Variants in GABRG3 observed in about 807,000 individuals in gnomAD.
GABRG3 encodes the protein gamma-aminobutyric acid type A receptor subunit gamma3, also known as gamma-aminobutyric acid receptor subunit gamma-3.
A neutral mutation model predicts 48.8 loss-of-function variants in GABRG3; 25 were observed. The ratio of observed to expected loss-of-function variants is 0.51; its 90% CI spans 0.37 to 0.72. The LOEUF is 0.72. GABRG3 is among the 30% of genes least tolerant of loss of function. GABRG3 has a pLI of 0.00. For missense variants in GABRG3, 394 were observed against 577.9 expected, an observed-to-expected ratio of 0.68 and a Z score of 3.26; for synonymous variants, 227 against 217.6, an observed-to-expected ratio of 1.04 and a Z score of -0.38.
At chr15:27,527,714 A>G (rs1362652012) in intron 8 of GABRG3, 85 bp downstream of exon 8, 3 of 1,288,678 alleles carry the variant, frequency 2.3e-6, no homozygotes, top group Admixed American at 2.1e-5. Context: ...TTGTATTCCT[A>G]AGGATCGTAC....
At chr15:27,482,059 G>A (rs148553269) in intron 6 of GABRG3, among the ~76,000 whole-genome samples, 1 of 152,230 alleles carries the variant, frequency 6.6e-6, no homozygotes, top group African/African-American at 2.4e-5. Flanking sequence ...ACTAACTCAG[G>A]GGATTTTGAA....
At chr15:27,246,396 T>G (rs1890272078) in intron 3 of GABRG3, among the ~76,000 whole-genome samples, 1 of 152,214 alleles carries the variant, frequency 6.6e-6, no homozygotes, top group African/African-American at 2.4e-5. Flanking sequence ...AATTACTTTC[T>G]ACATATATAC....
chr15:27,047,310 A>G (rs1265624990), intron 3 of GABRG3, among the ~76,000 whole-genome samples: 1 of 152,228 alleles, frequency 6.6e-6, no homozygotes, highest in Non-Finnish European at 1.5e-5. Flanking sequence ...TCACCCTCGC[A>G]GGTCTCATAA....
chr15:27,016,500 A>G (rs2195817), intron 2 of GABRG3, among the ~76,000 whole-genome samples: 84,749 of 151,912 alleles, frequency 0.56, 24,130 homozygotes, highest in African/African-American at 0.64. Context: ...TGTACATGAT[A>G]AGTCACTTTT....
chr15:27,519,917 T>C (rs1891118849), intron 6 of GABRG3, 55 bp from the exon 7 acceptor site: 2 of 1,218,894 alleles, frequency 1.6e-6, no homozygotes, highest in Middle Eastern at 2.1e-4. Flanking sequence ...ATTATTTTCC[T>C]GAATTATTTT....
At chr15:27,310,044 G>A (rs1892942410) in intron 3 of GABRG3, among the ~76,000 whole-genome samples, 1 of 151,992 alleles carries the variant, frequency 6.6e-6, no homozygotes, top group Non-Finnish European at 1.5e-5. Context: ...ATTATGCTAG[G>A]GAATGAAGCC....
At chr15:27,037,239 G>A (rs1271868966) in intron 3 of GABRG3, among the ~76,000 whole-genome samples, 2 of 152,194 alleles carry the variant, frequency 1.3e-5, no homozygotes, top group African/African-American at 4.8e-5. Context: ...GGGCAGTGGT[G>A]CTGCATTACC....
rs146088495 is a variant in GABRG3, at chr15:27,160,011, G to T, written c.270+133190G>T. ...ATTACCCTCCCTCCCATTCCCACAG[G>T]GCTGCCTGCCACAGTGGCCCACCTG... On this transcript the variant is annotated intron_variant, in intron 3 of 9. Coordinates refer to ENST00000615808, the MANE Select transcript of GABRG3 (RefSeq NM_033223.5). 3.5e-3 allele frequency among the ~76,000 whole-genome samples: 534 copies of T among 152,108 alleles called. 4 individuals are homozygous for T. Among genetic ancestry groups the T allele is most frequent in the Admixed American group, 0.011 (173 of 15,268 alleles).
chr15:27,227,007 A>C (rs1437008885), intron 3 of GABRG3, among the ~76,000 whole-genome samples: 1 of 152,214 alleles, frequency 6.6e-6, no homozygotes, highest in South Asian at 2.1e-4. Flanking sequence ...TCAGGGAAAA[A>C]AAACTGAAAG....
At chr15:27,033,802 T>C (rs74006551) in intron 3 of GABRG3, among the ~76,000 whole-genome samples, 1,902 of 152,284 alleles carry the variant, frequency 0.012, 41 homozygotes, top group African/African-American at 0.043. Context: ...TTTTTTGTGG[T>C]TTTATGCATT....
At chr15:27,241,211 C>T (rs1267635844) in intron 3 of GABRG3, among the ~76,000 whole-genome samples, 2 of 152,094 alleles carry the variant, frequency 1.3e-5, no homozygotes, top group African/African-American at 2.4e-5. Flanking sequence ...ATATGGTACC[C>T]GAGGTCACAA....
At chr15:27,152,391 A>G (rs1898333440) in intron 3 of GABRG3, among the ~76,000 whole-genome samples, 1 of 152,194 alleles carries the variant, frequency 6.6e-6, no homozygotes, top group Non-Finnish European at 1.5e-5. Context: ...AGTTATTAAA[A>G]ATTCTTGAAT....
intron 3 of GABRG3, among the ~76,000 whole-genome samples, chr15:27,142,348 C>T (rs981278162): frequency 6.6e-6 from 1 of 152,132 alleles, no homozygotes; most frequent in African/African-American, 2.4e-5. Flanking sequence ...GTAAGCCTCA[C>T]AATCATGGCA....
At chr15:27,051,390 C>T (rs1444684902) in intron 3 of GABRG3, among the ~76,000 whole-genome samples, 1 of 152,220 alleles carries the variant, frequency 6.6e-6, no homozygotes, top group Non-Finnish European at 1.5e-5. Context: ...AATGGATACA[C>T]ATTTTGATGA....
intron 2 of GABRG3, among the ~76,000 whole-genome samples, chr15:27,000,374 T>TA (rs1895420683): frequency 6.6e-6 from 1 of 152,298 alleles, no homozygotes; most frequent in African/African-American, 2.4e-5. Context: ...TCTGGCAGAC[T>TA]CTAGGGCTAA....
chr15:27,388,091 GAGGAA>G (rs1269037539), intron 5 of GABRG3, among the ~76,000 whole-genome samples: 8 of 27,392 alleles, frequency 2.9e-4, no homozygotes, highest in Admixed American at 1.6e-3. Context: ...GGAAAGGAGG[GAGGAA>G]AGGGAGGGAG....
intron 5 of GABRG3, among the ~76,000 whole-genome samples, chr15:27,446,515 G>A (rs948007547): frequency 6.6e-6 from 1 of 151,958 alleles, no homozygotes; most frequent in Non-Finnish European, 1.5e-5. Context: ...AATGAGACAA[G>A]ACTGTTACAT....
chr15:27,030,166 G>A (rs961098203), intron 3 of GABRG3, among the ~76,000 whole-genome samples: 1 of 152,186 alleles, frequency 6.6e-6, no homozygotes, highest in East Asian at 1.9e-4. Context: ...AGGGTTTAAG[G>A]ATGTAAATTT....
intron 2 of GABRG3, among the ~76,000 whole-genome samples, chr15:27,006,122 T>C (rs1895579266): frequency 6.6e-6 from 1 of 152,200 alleles, no homozygotes; most frequent in Non-Finnish European, 1.5e-5. Flanking sequence ...ACATATATTT[T>C]CTCAAAGCAA....
Sources: gnomAD v4.1 joint callset for allele counts (sites outside exome capture counted in the v4.1 genomes callset) on GRCh38, gnomAD v4.1.1 for gene constraint, MANE v1.5 for transcripts, NCBI Gene and HGNC (gene_info 2026-07-23, HGNC 2026-07-21) for gene names.